The following GRM5 variants were observed in gnomAD, a reference collection of about 807,000 sequenced individuals.
GRM5 encodes the protein metabotropic glutamate receptor 5.
A neutral mutation model predicts 83.1 loss-of-function variants in GRM5; 19 were observed. The ratio of observed to expected loss-of-function variants is 0.23; its 90% CI spans 0.16 to 0.34. GRM5 has a LOEUF of 0.34. Among genes scored for constraint, GRM5 ranks in the 10% least tolerant of loss-of-function variants. GRM5 has a pLI of 1.00. For synonymous variants in GRM5, 675 were observed against 633.6 expected (o/e 1.07, Z -0.98); for missense variants, 1,160 against 1,588.3 (o/e 0.73, Z 4.58).
chr11:88,615,439 C>A (rs2135247916), intron 4 of GRM5, among the ~76,000 whole-genome samples: 1 of 152,174 alleles, frequency 6.6e-6, no homozygotes, highest in South Asian at 2.1e-4. Flanking sequence ...TCATAGAAAT[C>A]CAAGTTTAAA....
chr11:88,855,329 T>C (rs1046771028), intron 2 of GRM5, among the ~76,000 whole-genome samples: 3 of 152,026 alleles, frequency 2.0e-5, no homozygotes, highest in South Asian at 2.1e-4. Context: ...CTTTCATATG[T>C]ATCACAGACA....
At chr11:88,662,288 C>A (rs763104235) in intron 3 of GRM5, among the ~76,000 whole-genome samples, 10 of 152,172 alleles carry the variant, frequency 6.6e-5, no homozygotes, top group Non-Finnish European at 1.5e-4. Flanking sequence ...AAACTCAGAT[C>A]TTGCTAATTC....
intron 2 of GRM5, among the ~76,000 whole-genome samples, chr11:88,950,368 G>A (rs1432358854): frequency 6.6e-6 from 1 of 151,822 alleles, no homozygotes; most frequent in African/African-American, 2.4e-5. Flanking sequence ...GTGTGTGTGT[G>A]TGTGTGTGTG....
chr11:88,662,270 G>A (rs576897406), intron 3 of GRM5, among the ~76,000 whole-genome samples: 189 of 152,234 alleles, frequency 1.2e-3, no homozygotes, highest in African/African-American at 4.3e-3. Context: ...CAAATGTAGA[G>A]GGGATATAAA....
At chr11:88,596,849 T>C (rs1366078998) in intron 6 of GRM5, among the ~76,000 whole-genome samples, 1 of 152,084 alleles carries the variant, frequency 6.6e-6, no homozygotes, top group Non-Finnish European at 1.5e-5. Flanking sequence ...TTAACTATTA[T>C]ATTAATAAAC....
intron 3 of GRM5, among the ~76,000 whole-genome samples, chr11:88,848,338 C>G (rs893057104): frequency 1.3e-5 from 2 of 152,116 alleles, no homozygotes. Flanking sequence ...TCAGATCGGA[C>G]AGAAAAGAAT....
In GRM5 at chr11:88,699,911, G is replaced by A. The variant is rs1260549066; in HGVS notation, c.912-46508C>T. Among the ~76,000 whole-genome samples, 6 of 152,176 alleles carry A rather than the reference G, an allele frequency of 3.9e-5. No homozygotes were observed. The East Asian group carries it at 1.2e-3, about 29-fold the overall frequency. On this transcript the variant is annotated intron_variant, in intron 3 of 9. Coordinates refer to ENST00000305447, the MANE Select transcript of GRM5 (RefSeq NM_001143831.3). ...TGATTCATGAATGAGCAAGTTCTGTGTATGTTTATAGCAAAAGAGATTTGA... is the reference window on the plus strand; with the variant it reads ...TGATTCATGAATGAGCAAGTTCTGTATATGTTTATAGCAAAAGAGATTTGA...
intron 2 of GRM5, among the ~76,000 whole-genome samples, chr11:88,993,233 TC>T (rs1940050661): frequency 8.0e-6 from 1 of 124,940 alleles, no homozygotes; most frequent in African/African-American, 3.1e-5. Flanking sequence ...GCCACTGCAC[TC>T]CAGCCTGGAG....
intron 4 of GRM5, among the ~76,000 whole-genome samples, chr11:88,650,296 C>T (rs1438426158): frequency 2.0e-5 from 3 of 151,830 alleles, no homozygotes; most frequent in Non-Finnish European, 4.4e-5. Context: ...GTCAATTTTA[C>T]AATTTATATA....
At chr11:88,918,349 T>C (rs1945631069) in intron 2 of GRM5, among the ~76,000 whole-genome samples, 1 of 152,002 alleles carries the variant, frequency 6.6e-6, no homozygotes, top group Non-Finnish European at 1.5e-5. Flanking sequence ...AGTTAGTGGG[T>C]GCAGCGCACC....
chr11:88,679,283 A>G (rs6483362), intron 3 of GRM5, among the ~76,000 whole-genome samples: 131,138 of 152,042 alleles, frequency 0.86, 57,175 homozygotes, highest in South Asian at 0.95. Flanking sequence ...TTTTCAGAAG[A>G]TTATATGACT....
rs1327520617 is a variant in GRM5, at chr11:88,994,445, T to TTTTA, written c.661+52766_661+52767insTAAA. On this transcript the variant is annotated intron_variant, in intron 2 of 9. Coordinates refer to ENST00000305447, the MANE Select transcript of GRM5 (RefSeq NM_001143831.3). Reference sequence around the variant, plus strand: ...TATTATTATTTATCACTTTAACTGATTATATATATATATATATATATATAT... The same window carrying TTTTA: ...TATTATTATTTATCACTTTAACTGATTTTATATATATATATATATATATATATAT... Among the ~76,000 whole-genome samples the TTTTA allele has an allele frequency of 1.8e-3, 157 of 86,894 alleles. No individual in the cohort carries two copies. In the East Asian group the frequency reaches 0.03, roughly 17 times the overall value. The allele number at this position is 86,894 out of a possible 152,430, so 57.0% of individuals were successfully genotyped here. A position where few individuals can be genotyped will look rare whatever the true frequency, so the allele number is the denominator to read the frequency against.
At chr11:88,917,582 C>G (rs996958924) in intron 2 of GRM5, among the ~76,000 whole-genome samples, 5 of 152,050 alleles carry the variant, frequency 3.3e-5, no homozygotes, top group African/African-American at 1.2e-4. Flanking sequence ...CAATGAAATT[C>G]AGGACATTAC....
chr11:88,784,491 C>A (rs1943028789), intron 3 of GRM5, among the ~76,000 whole-genome samples: 1 of 151,876 alleles, frequency 6.6e-6, no homozygotes, highest in Non-Finnish European at 1.5e-5. Context: ...TAAGTATCAC[C>A]CACCACTTAA....
chr11:88,879,948 G>T (rs561985540), intron 2 of GRM5, among the ~76,000 whole-genome samples: 3 of 152,184 alleles, frequency 2.0e-5, no homozygotes, highest in African/African-American at 7.2e-5. Flanking sequence ...TTATTATAGA[G>T]AAATAGATGC....
intron 2 of GRM5, among the ~76,000 whole-genome samples, chr11:89,044,837 A>C (rs1264226057): frequency 6.6e-6 from 1 of 150,530 alleles, no homozygotes; most frequent in African/African-American, 2.5e-5. Context: ...TTTCTGAAAA[A>C]CCAAGTGGGG....
At chr11:88,670,623 T>C (rs146421420) in intron 3 of GRM5, among the ~76,000 whole-genome samples, 109 of 152,020 alleles carry the variant, frequency 7.2e-4, no homozygotes, top group African/African-American at 2.6e-3. Flanking sequence ...GAAAATCCTA[T>C]AGAAAAGTAA....
At chr11:89,043,085 A>G (rs943499625) in intron 2 of GRM5, among the ~76,000 whole-genome samples, 8 of 152,204 alleles carry the variant, frequency 5.3e-5, no homozygotes, top group Non-Finnish European at 1.2e-4. Context: ...CCTCATTTTT[A>G]TAAAGAAGCA....
chr11:88,522,111 G>T (rs1941709173), intron 9 of GRM5, among the ~76,000 whole-genome samples: 1 of 152,120 alleles, frequency 6.6e-6, no homozygotes. Flanking sequence ...TTCAATAATG[G>T]CCACAGAGGA....
Sources: gnomAD v4.1 joint callset for allele counts (sites outside exome capture counted in the v4.1 genomes callset) on GRCh38, gnomAD v4.1.1 for gene constraint, MANE v1.5 for transcripts, NCBI Gene and HGNC (gene_info 2026-07-23, HGNC 2026-07-21) for gene names.